The following KIRREL3 variants were observed in gnomAD, a reference collection of about 807,000 sequenced individuals.
KIRREL3 encodes kirre like nephrin family adhesion molecule 3.
Under a neutral mutation model 89.7 loss-of-function variants are expected in KIRREL3, and 36 were observed. The ratio of observed to expected loss-of-function variants is 0.40; its 90% CI spans 0.31 to 0.53. The LOEUF (loss-of-function observed/expected upper bound fraction) is 0.53, where lower values mean the gene tolerates loss of function less well. Ranked by LOEUF, KIRREL3 falls within the 20% of genes least tolerant of loss-of-function variation. The pLI is 0.49. For missense variants in KIRREL3, 864 were observed against 1,056.6 expected (o/e 0.82, Z 2.53); for synonymous variants, 445 against 441.4 (o/e 1.01, Z -0.10).
intron 1 of KIRREL3, among the ~76,000 whole-genome samples, chr11:126,731,755 G>C (rs922077604): frequency 6.6e-6 from 1 of 152,240 alleles, no homozygotes; most frequent in Admixed American, 6.5e-5. Context: ...CCCAGTTAGA[G>C]AACAACAAGA....
rs541420059 is a variant in KIRREL3 at position 126,614,889 on chromosome 11, C to A, written c.56-51977G>T. Among the ~76,000 whole-genome samples the A allele has an allele frequency of 3.9e-5, 6 of 152,174 alleles. No individual in the cohort carries two copies. In the South Asian group the frequency reaches 1.2e-3, roughly 32 times the overall value. ...TGCTGAGAAGATGGATGAGCTGGGG[C>A]CGGTAAAATAGCTTTGTTCCTTGGA... On this transcript the variant is annotated intron_variant, in intron 1 of 16. Coordinates refer to ENST00000525144, the MANE Select transcript of KIRREL3 (RefSeq NM_032531.4). The surrounding 1 kb of genome is among the most constrained non-coding windows in gnomAD (Gnocchi z 4.6).
rs1356492996 is a variant in KIRREL3, at chr11:126,969,802, A to G, written c.55+30653T>C. Among the ~76,000 whole-genome samples the G allele has an allele frequency of 6.6e-6, 1 of 152,164 alleles. No homozygotes were observed. The highest frequency in any genetic ancestry group is 1.9e-4 in the East Asian group (1 of 5,186). ...GTGCCTTCCGGGATTCTGCCATTGA[A>G]GGAAGGAAAAAGGTAGCAGACAGCC... On this transcript the variant is annotated intron_variant, in intron 1 of 16. Coordinates refer to ENST00000525144, the MANE Select transcript of KIRREL3 (RefSeq NM_032531.4). This position sits in a 1 kb window ranked among gnomAD's most constrained non-coding sequence, Gnocchi z 4.9.
rs913875233 is a variant in KIRREL3, at chr11:126,635,580, C to T, written c.56-72668G>A. Among the ~76,000 whole-genome samples, 2 of 152,070 alleles carry T rather than the reference C, an allele frequency of 1.3e-5. No homozygotes were observed. Among genetic ancestry groups the T allele is most frequent in the South Asian group, 4.1e-4 (2 of 4,824 alleles). On this transcript the variant is annotated intron_variant, in intron 1 of 16. Coordinates refer to ENST00000525144, the MANE Select transcript of KIRREL3 (RefSeq NM_032531.4). This position sits in a 1 kb window ranked among gnomAD's most constrained non-coding sequence, Gnocchi z 4.0. The stretch of plus-strand genomic sequence containing the variant: ...GATGCTGGGTTCCCATTGTACACCC[C>T]CAGCAACGAGCCCCCCTGCCAGCCC...
At chr11:126,916,183 A>T (rs1166631045) in intron 1 of KIRREL3, among the ~76,000 whole-genome samples, 1 of 152,238 alleles carries the variant, frequency 6.6e-6, no homozygotes, top group East Asian at 1.9e-4. Flanking sequence ...GAGCCCAGAT[A>T]TGGAATAACT....
In KIRREL3 at chr11:126,903,090, C is replaced by T. The variant is rs566120916; in HGVS notation, c.55+97365G>A. 9.9e-5 allele frequency among the ~76,000 whole-genome samples: 15 copies of T among 152,224 alleles called. No homozygotes were observed. In the East Asian group the frequency reaches 2.9e-3, roughly 29 times the overall value. On this transcript the variant is annotated intron_variant, in intron 1 of 16. Coordinates refer to ENST00000525144, the MANE Select transcript of KIRREL3 (RefSeq NM_032531.4). This position sits in a 1 kb window ranked among gnomAD's most constrained non-coding sequence, Gnocchi z 4.5. ...TGTACCTTTGCCTATTGTTTTCTTACTTGTCTAATTATTTAAAAAAGAATA... is the reference window on the plus strand; with the variant it reads ...TGTACCTTTGCCTATTGTTTTCTTATTTGTCTAATTATTTAAAAAAGAATA...
rs904042469 is a variant in KIRREL3 at position 126,788,241 on chromosome 11, C to T, written c.55+212214G>A. The stretch of plus-strand genomic sequence containing the variant: ...ACCATCTCTTTTTCATTCCTATGGA[C>T]GTTGCCTCCCAGGGCTGCTCTCCAA... On this transcript the variant is annotated intron_variant, in intron 1 of 16. Coordinates refer to ENST00000525144, the MANE Select transcript of KIRREL3 (RefSeq NM_032531.4). The surrounding 1 kb of genome is among the most constrained non-coding windows in gnomAD (Gnocchi z 4.1). 2.6e-5 allele frequency among the ~76,000 whole-genome samples: 4 copies of T among 152,350 alleles called. No individual in the cohort carries two copies. The highest frequency in any genetic ancestry group is 7.2e-5 in the African/African-American group (3 of 41,584).
intron 1 of KIRREL3, among the ~76,000 whole-genome samples, chr11:126,725,794 A>G (rs1009146961): frequency 6.6e-6 from 1 of 152,150 alleles, no homozygotes; most frequent in Admixed American, 6.5e-5. Context: ...TACAGAGAGC[A>G]TGGGGGGAGG....
chr11:126,431,047 G>A lies in KIRREL3; in HGVS notation c.1696+372C>T, dbSNP rs1226608585. On this transcript the variant is annotated intron_variant, in intron 14 of 16. Coordinates refer to ENST00000525144, the MANE Select transcript of KIRREL3 (RefSeq NM_032531.4). The surrounding 1 kb of genome is among the most constrained non-coding windows in gnomAD (Gnocchi z 7.1). ...ACTAGCAGCTCTTTATTTTTATTTT[G>A]TTGTAGAGATGGGGTCTCTCTAGAC... The A allele has an allele frequency of 1.3e-5, 16 of 1,243,170 alleles. No homozygotes were observed. Among genetic ancestry groups the A allele is most frequent in the Non-Finnish European group, 1.6e-5 (16 of 992,732 alleles). 77.0% of individuals were successfully genotyped at this position (1,243,170 alleles called of 1,614,324 possible). A position where few individuals can be genotyped will look rare whatever the true frequency, so the allele number is the denominator to read the frequency against.
rs1015412056 is a variant in KIRREL3, at chr11:126,611,064, A to G, written c.56-48152T>C. 5 of 152,198 alleles carry G rather than the reference A, an allele frequency of 3.3e-5. No homozygotes were observed. The highest frequency in any genetic ancestry group is 1.5e-5 in the Non-Finnish European group (1 of 68,038). 9.4% of individuals were successfully genotyped at this position (152,198 alleles called of 1,614,324 possible). Reference sequence around the variant, plus strand: ...CCTTAGGGGCTAAGAGTACAGGTGCAAGAGACAGACCGCCCACATTAAAAT... The same window carrying G: ...CCTTAGGGGCTAAGAGTACAGGTGCGAGAGACAGACCGCCCACATTAAAAT... On this transcript the variant is annotated intron_variant, in intron 1 of 16. Coordinates refer to ENST00000525144, the MANE Select transcript of KIRREL3 (RefSeq NM_032531.4). This position sits in a 1 kb window ranked among gnomAD's most constrained non-coding sequence, Gnocchi z 4.7.
rs1003533516 is a variant in KIRREL3, at chr11:126,531,405, C to T, written c.134-4718G>A. Reference sequence around the variant, plus strand: ...TGGCTCTCCACTCTCTGCGGGACAACGCCCAACTTCCCATGCTGGATTCTA... The same window carrying T: ...TGGCTCTCCACTCTCTGCGGGACAATGCCCAACTTCCCATGCTGGATTCTA... On this transcript the variant is annotated intron_variant, in intron 2 of 16. Transcript: ENST00000525144. The surrounding 1 kb of genome is among the most constrained non-coding windows in gnomAD (Gnocchi z 4.7). Among the ~76,000 whole-genome samples the T allele has an allele frequency of 1.8e-4, 27 of 152,232 alleles. No homozygotes were observed. Among genetic ancestry groups the T allele is most frequent in the East Asian group, 5.8e-4 (3 of 5,196 alleles).
rs1015807344 is a variant in KIRREL3 at position 126,990,329 on chromosome 11, C to T, written c.55+10126G>A. On this transcript the variant is annotated intron_variant, in intron 1 of 16. Transcript: ENST00000525144. The surrounding 1 kb of genome is among the most constrained non-coding windows in gnomAD (Gnocchi z 6.3). ...TCCGGATCCCCTCAAACACTCCACCCTCACACCCTGCAGAATCAGGAGAGA... is the reference window on the plus strand; with the variant it reads ...TCCGGATCCCCTCAAACACTCCACCTTCACACCCTGCAGAATCAGGAGAGA... Among the ~76,000 whole-genome samples the T allele has an allele frequency of 3.9e-5, 6 of 152,172 alleles. No individual in the cohort carries two copies. The highest frequency in any genetic ancestry group is 8.8e-5 in the Non-Finnish European group (6 of 68,036).
At position 126,454,939 on chromosome 11, in the gene KIRREL3, G is replaced by A. The variant is rs1332311023; in HGVS notation, c.848+1410C>T. Among the ~76,000 whole-genome samples, 1 of 152,236 alleles carries A rather than the reference G, an allele frequency of 6.6e-6. No homozygotes were observed. The highest frequency in any genetic ancestry group is 2.4e-5 in the African/African-American group (1 of 41,458). On this transcript the variant is annotated intron_variant, in intron 7 of 16. Coordinates refer to ENST00000525144, the MANE Select transcript of KIRREL3 (RefSeq NM_032531.4). This position sits in a 1 kb window ranked among gnomAD's most constrained non-coding sequence, Gnocchi z 5.8. ...CTCTGCCTGGGTTTCTGACTCCAGT[G>A]CTGCTTAATTACGCACTCTGCAGGG...
rs183594184 is a variant in KIRREL3, at chr11:126,747,879, T to A, written c.56-184967A>T. 6.8e-4 allele frequency among the ~76,000 whole-genome samples: 103 copies of A among 152,194 alleles called. No individual in the cohort carries two copies. The highest frequency in any genetic ancestry group is 2.3e-3 in the African/African-American group (97 of 41,532). On this transcript the variant is annotated intron_variant, in intron 1 of 16. Coordinates refer to ENST00000525144, the MANE Select transcript of KIRREL3 (RefSeq NM_032531.4). The surrounding 1 kb of genome is among the most constrained non-coding windows in gnomAD (Gnocchi z 4.7). ...TGCCCCTTAGCAACCTCAGGTCAAC[T>A]GGAAGACTCCCCTCCAGACAGGCGT...
rs565049108 is a variant in KIRREL3 at position 126,611,356 on chromosome 11, T to C, written c.56-48444A>G. Among the ~76,000 whole-genome samples the C allele has an allele frequency of 1.8e-3, 271 of 152,294 alleles. 1 individual carries two copies. The highest frequency in any genetic ancestry group is 3.0e-3 in the Non-Finnish European group (206 of 68,022). ...ACTCCTTTTGAGAGATCATGACTTT[T>C]GTAGAACTAGGCTGCTTTCACTCTT... On this transcript the variant is annotated intron_variant, in intron 1 of 16. Transcript: ENST00000525144. The surrounding 1 kb of genome is among the most constrained non-coding windows in gnomAD (Gnocchi z 4.7).
In KIRREL3 at chr11:126,736,027, TGA is replaced by T. The variant is rs1948788659; in HGVS notation, c.56-173117_56-173116del. 6.6e-6 allele frequency among the ~76,000 whole-genome samples: 1 copy of T among 152,196 alleles called. No individual in the cohort carries two copies. Among genetic ancestry groups the T allele is most frequent in the African/African-American group, 2.4e-5 (1 of 41,448 alleles). Reference sequence around the variant, plus strand: ...ATCCTCAATTAGTCCTGACTTTGCTTGAGAGTTTTTATGAAACTGCCTAGCGT... The same window carrying T: ...ATCCTCAATTAGTCCTGACTTTGCTTGAGTTTTTATGAAACTGCCTAGCGT... On this transcript the variant is annotated intron_variant, in intron 1 of 16. Coordinates refer to ENST00000525144, the MANE Select transcript of KIRREL3 (RefSeq NM_032531.4). This position sits in a 1 kb window ranked among gnomAD's most constrained non-coding sequence, Gnocchi z 5.0.
rs1250009963 is a variant in KIRREL3, at chr11:126,943,338, C to T, written c.55+57117G>A. Among the ~76,000 whole-genome samples, 8 of 152,108 alleles carry T rather than the reference C, an allele frequency of 5.3e-5. No individual in the cohort carries two copies. Among genetic ancestry groups the T allele is most frequent in the South Asian group, 4.2e-4 (2 of 4,810 alleles). The stretch of plus-strand genomic sequence containing the variant: ...GGGAGACTCCATCTCCACCACGGAA[C>T]GCCTTACTCCTGGAACTAATCACAG... On this transcript the variant is annotated intron_variant, in intron 1 of 16. Transcript: ENST00000525144. The surrounding 1 kb of genome is among the most constrained non-coding windows in gnomAD (Gnocchi z 4.2).
rs11220605 is a variant in KIRREL3, at chr11:126,771,636, C to T, written c.56-208724G>A. Among the ~76,000 whole-genome samples, 7,028 of 152,264 alleles carry T rather than the reference C, an allele frequency of 0.046. 285 individuals are homozygous for T. Among genetic ancestry groups the T allele is most frequent in the East Asian group, 0.16 (818 of 5,180 alleles). Reference sequence around the variant, plus strand: ...CATTCAGTGCTGTATTACCAGTGCTCCTCCTGATCTCTATCCATGGGCAGT... The same window carrying T: ...CATTCAGTGCTGTATTACCAGTGCTTCTCCTGATCTCTATCCATGGGCAGT... On this transcript the variant is annotated intron_variant, in intron 1 of 16. Coordinates refer to ENST00000525144, the MANE Select transcript of KIRREL3 (RefSeq NM_032531.4). This position sits in a 1 kb window ranked among gnomAD's most constrained non-coding sequence, Gnocchi z 4.4.
At position 126,705,255 on chromosome 11, in the gene KIRREL3, T is replaced by G. The variant is rs1362249935; in HGVS notation, c.56-142343A>C. Among the ~76,000 whole-genome samples the G allele has an allele frequency of 6.6e-6, 1 of 152,208 alleles. No individual in the cohort carries two copies. On this transcript the variant is annotated intron_variant, in intron 1 of 16. Transcript: ENST00000525144. The surrounding 1 kb of genome is among the most constrained non-coding windows in gnomAD (Gnocchi z 4.3). Reference sequence around the variant, plus strand: ...GATATGGTTTGGAGGTTTGTCCTCTTCAAATCTCATGTTGAAATGTGATCC... The same window carrying G: ...GATATGGTTTGGAGGTTTGTCCTCTGCAAATCTCATGTTGAAATGTGATCC...
At position 126,555,539 on chromosome 11, in the gene KIRREL3, G is replaced by A. The variant is rs1939637123; in HGVS notation, c.133+7296C>T. On this transcript the variant is annotated intron_variant, in intron 2 of 16. Coordinates refer to ENST00000525144, the MANE Select transcript of KIRREL3 (RefSeq NM_032531.4). The surrounding 1 kb of genome is among the most constrained non-coding windows in gnomAD (Gnocchi z 4.2). Reference sequence around the variant, plus strand: ...GGATGAGCGGGAATTACCAGGTGAAGGGTTTGGGGATGGGGTGAGCGTGGC... The same window carrying A: ...GGATGAGCGGGAATTACCAGGTGAAAGGTTTGGGGATGGGGTGAGCGTGGC... 6.6e-6 allele frequency among the ~76,000 whole-genome samples: 1 copy of A among 152,102 alleles called. No homozygotes were observed. The highest frequency in any genetic ancestry group is 6.5e-5 in the Admixed American group (1 of 15,268).
Sources: gnomAD v4.1 joint callset for allele counts (sites outside exome capture counted in the v4.1 genomes callset) on GRCh38, gnomAD v4.1.1 for gene constraint, Gnocchi (gnomAD v3.1) non-coding constraint, MANE v1.5 for transcripts, NCBI Gene and HGNC (gene_info 2026-07-23, HGNC 2026-07-21) for gene names.